ADAT1: variants seen among roughly 807,000 people sequenced by gnomAD.
The protein encoded by ADAT1 is adenosine deaminase tRNA specific 1.
In ADAT1, 58 loss-of-function variants were observed where a neutral mutation model predicts 58.6. The observed-to-expected ratio is 0.99, with a 90% CI of 0.80 to 1.23. ADAT1 has a LOEUF of 1.23. ADAT1 is among the 50% of genes most tolerant of loss of function. ADAT1 has a pLI of 0.00. For synonymous variants in ADAT1, 254 were observed against 220.8 expected (o/e 1.15, Z -1.33); for missense variants, 741 against 608.6 (o/e 1.22, Z -2.29).
At chr16:75,609,599 T>C (rs118141270) in intron 6 of ADAT1, among the ~76,000 whole-genome samples, 4,411 of 152,326 alleles carry the variant, frequency 0.029, 93 homozygotes, top group South Asian at 0.066. Flanking sequence ...TTTTAGTATA[T>C]TCATAGAACT....
At chr16:75,620,884 T>G (rs1390668740) in intron 1 of ADAT1, 64 bp from the exon 2 acceptor site, 1 of 1,385,452 alleles carries the variant, frequency 7.2e-7, no homozygotes, top group African/African-American at 1.4e-5. Flanking sequence ...TGCTACAGCC[T>G]CTCATATCCA....
chr16:75,609,134 T>C lies in ADAT1; in HGVS notation c.1044-146A>G, dbSNP rs1031522004. ...GGGCAGACAGTGTTTCAGAATAGAA[T>C]CAAGATTGTAAGCACCTCATGGCTG... On this transcript the variant is annotated intron_variant, in intron 6 of 9. Transcript: ENST00000564657. 40 of 958,988 alleles carry C rather than the reference T, an allele frequency of 4.2e-5. No individual in the cohort carries two copies. In the African/African-American group the frequency reaches 6.2e-4, roughly 15 times the overall value. 59.4% of individuals were successfully genotyped at this position (958,988 alleles called of 1,614,324 possible). A position where few individuals can be genotyped will look rare whatever the true frequency, so the allele number is the denominator to read the frequency against.
At chr16:75,619,893 C>CAAAAAAA (rs750598792) in intron 3 of ADAT1, 2 of 98,466 alleles carry the variant, frequency 2.0e-5, no homozygotes, top group East Asian at 2.2e-4. Context: ...GACTCCGAGT[C>CAAAAAAA]AAAAAAAAAA....
intron 3 of ADAT1, 33 bp downstream of exon 3, chr16:75,620,233 T>A (rs763883759): frequency 6.2e-7 from 1 of 1,609,386 alleles, no homozygotes; most frequent in East Asian, 2.2e-5. Context: ...GGTTTCAAGC[T>A]AAATCTTTGT....
chr16:75,606,496 C>T (rs560318285), intron 8 of ADAT1, among the ~76,000 whole-genome samples: 3 of 152,308 alleles, frequency 2.0e-5, no homozygotes, highest in South Asian at 2.1e-4. Context: ...GGGAGCCAGC[C>T]ACTGAGTCGT....
rs1163510620 is a variant in ADAT1 at position 75,618,098 on chromosome 16, CAAAAAAAAAAAAA to C, written c.293+475_293+487del. Among the ~76,000 whole-genome samples, 230 of 32,544 alleles carry C rather than the reference CAAAAAAAAAAAAA, an allele frequency of 7.1e-3. 2 individuals are homozygous for C. The highest frequency in any genetic ancestry group is 0.019 in the African/African-American group (221 of 11,602). The allele number at this position is 32,544 out of a possible 152,430, so 21.4% of individuals were successfully genotyped here. A position where few individuals can be genotyped will look rare whatever the true frequency, so the allele number is the denominator to read the frequency against. On this transcript the variant is annotated intron_variant, in intron 4 of 9. Transcript: ENST00000564657. ...AGGTAACAGAGCAAGACCCTGTGTC[CAAAAAAAAAAAAA>C]AAAAAAAAAAAAAGAGAGAACCACT...
chr16:75,621,390 C>G (rs1413967600), intron 1 of ADAT1, among the ~76,000 whole-genome samples: 1 of 152,010 alleles, frequency 6.6e-6, no homozygotes, highest in African/African-American at 2.4e-5. Flanking sequence ...TTTGGATTCA[C>G]CCTTTCTGGG....
chr16:75,602,287 C>G (rs77378762), intron 9 of ADAT1, among the ~76,000 whole-genome samples: 2 of 152,192 alleles, frequency 1.3e-5, no homozygotes, highest in Non-Finnish European at 1.5e-5. Flanking sequence ...GTTGGTGATG[C>G]GCAGCAATGT....
chr16:75,607,610 T>C (rs1450502717), intron 8 of ADAT1, among the ~76,000 whole-genome samples: 3 of 151,974 alleles, frequency 2.0e-5, no homozygotes, highest in Non-Finnish European at 4.4e-5. Flanking sequence ...TAATTGGAAC[T>C]CTAATACATT....
chr16:75,617,376 A>C, intron 4 of ADAT1, 104 bp from the exon 5 acceptor site: 2 of 1,267,410 alleles, frequency 1.6e-6, no homozygotes, highest in Non-Finnish European at 2.2e-6. Flanking sequence ...GACTAATGGG[A>C]CTGGTAGTGA....
chr16:75,608,480 C>T, intron 7 of ADAT1, 157 bp from the exon 8 acceptor site: 2 of 634,258 alleles, frequency 3.2e-6, no homozygotes, highest in Non-Finnish European at 5.5e-6. Context: ...CTCCAGGGTA[C>T]AGTAGTCTAA....
intron 6 of ADAT1, among the ~76,000 whole-genome samples, chr16:75,611,823 C>G (rs925952723): frequency 6.6e-6 from 1 of 151,948 alleles, no homozygotes; most frequent in East Asian, 1.9e-4. Flanking sequence ...TTTGGGAGAC[C>G]GAGGTGGGTG....
At chr16:75,602,585 G>A (rs773104628) in intron 9 of ADAT1, among the ~76,000 whole-genome samples, 3 of 152,102 alleles carry the variant, frequency 2.0e-5, no homozygotes, top group Non-Finnish European at 4.4e-5. Flanking sequence ...AGTTTAGTGG[G>A]AACTGTGTCC....
chr16:75,620,791 G>T lies in ADAT1; in HGVS notation c.9C>A (p.Thr3=). 1 of 1,612,058 alleles carries T rather than the reference G, an allele frequency of 6.2e-7. No homozygotes were observed. ...AGCATAGCTGAGCAATCTCATCCGC[G>T]GTCCACATGGTCTGAGCTGGTATTG... MW[T]ADEIAQLCYE... is the part of the protein sequence containing the mutation. Residue 3 remains threonine, a synonymous_variant, in exon 2 of 10, where the codon ACC becomes ACA. Transcript: ENST00000564657.
intron 4 of ADAT1, among the ~76,000 whole-genome samples, chr16:75,617,846 G>C (rs1019539257): frequency 1.3e-5 from 2 of 150,814 alleles, no homozygotes; most frequent in Non-Finnish European, 3.0e-5. Flanking sequence ...GGCACTTTAG[G>C]AGGCTGAGGC....
At position 75,597,501 on chromosome 16, in the gene ADAT1, T is replaced by C. The variant is rs1227802215; in HGVS notation, c.*2715A>G. 5.4e-6 allele frequency: 2 copies of C among 371,408 alleles called. No individual in the cohort carries two copies. The highest frequency in any genetic ancestry group is 1.1e-5 in the Non-Finnish European group (2 of 183,754). The allele number at this position is 371,408 out of a possible 1,614,324, so 23.0% of individuals were successfully genotyped here. A position where few individuals can be genotyped will look rare whatever the true frequency, so the allele number is the denominator to read the frequency against. On this transcript the variant is annotated 3_prime_UTR_variant, in exon 10 of 10. Transcript: ENST00000564657. ...TTTTTGGCACCAGGGACTGGTTTCA[T>C]GGAAGATAATTTTTCCACAGATCCG...
chr16:75,612,252 A>G lies in ADAT1; in HGVS notation c.1034T>C (p.Leu345Pro). ...CTCCCTACCCTCTCACCTTCCAATC[A>G]GTGCTCTCTGCATGGCTTCCTGGCT... ...PYSQEAMQRA[L>P]IGRCQNVSAL... The change falls in exon 6 of 10, where the codon CTG becomes CCG. Residue 345 changes from leucine (L) to proline (P), a missense_variant. Leu to Pro is a moderately conservative substitution (Grantham distance 98). Coordinates refer to ENST00000564657, the MANE Select transcript of ADAT1 (RefSeq NM_001324445.2). 2 of 1,613,752 alleles carry G rather than the reference A, an allele frequency of 1.2e-6. No homozygotes were observed. The highest frequency in any genetic ancestry group is 8.5e-7 in the Non-Finnish European group (1 of 1,179,720).
intron 8 of ADAT1, 129 bp downstream of exon 8, chr16:75,608,095 G>C: frequency 1.4e-6 from 1 of 715,298 alleles, no homozygotes; most frequent in Non-Finnish European, 2.4e-6. Context: ...GATGAGGAGA[G>C]GGAGGGATAG....
intron 8 of ADAT1, among the ~76,000 whole-genome samples, chr16:75,605,765 G>A (rs954139996): frequency 5.3e-5 from 8 of 151,334 alleles, no homozygotes; most frequent in African/African-American, 1.5e-4. Context: ...GCAAAATCCC[G>A]TCTCTACTAA....
Sources: gnomAD v4.1 joint callset for allele counts (sites outside exome capture counted in the v4.1 genomes callset) on GRCh38, gnomAD v4.1.1 for gene constraint, MANE v1.5 for transcripts, NCBI Gene and HGNC (gene_info 2026-07-23, HGNC 2026-07-21) for gene names.